The following BMP6 variants were observed in gnomAD, a reference collection of about 807,000 sequenced individuals.
The protein encoded by BMP6 is VG-1-R.
In BMP6, 17 loss-of-function variants were observed where a neutral mutation model predicts 54.1. That is an observed-to-expected ratio of 0.31 (90% confidence interval 0.22 to 0.47). BMP6 has a LOEUF of 0.47. BMP6 is among the 20% of genes least tolerant of loss of function. BMP6 has a pLI of 1.00. For synonymous variants in BMP6, 328 were observed against 291.2 expected (o/e 1.13, Z -1.28); for missense variants, 720 against 690.4 (o/e 1.04, Z -0.48).
At chr6:7,809,040 G>A (rs1758395897) in intron 1 of BMP6, among the ~76,000 whole-genome samples, 1 of 151,508 alleles carries the variant, frequency 6.6e-6, no homozygotes, top group African/African-American at 2.4e-5. Flanking sequence ...AAAATTTAGG[G>A]CTAATTTTTA....
chr6:7,794,868 G>A (rs1009673175), intron 1 of BMP6, among the ~76,000 whole-genome samples: 5 of 152,030 alleles, frequency 3.3e-5, no homozygotes, highest in African/African-American at 1.2e-4. Context: ...ATGGAGGAAG[G>A]ATCACTTTCT....
intron 1 of BMP6, among the ~76,000 whole-genome samples, chr6:7,843,113 T>G (rs1295563580): frequency 6.6e-6 from 1 of 152,222 alleles, no homozygotes; most frequent in Non-Finnish European, 1.5e-5. Context: ...TTGAGTGAAC[T>G]TCCCAACAAT....
At chr6:7,810,037 T>G (rs1301086287) in intron 1 of BMP6, among the ~76,000 whole-genome samples, 1 of 152,214 alleles carries the variant, frequency 6.6e-6, no homozygotes, top group Non-Finnish European at 1.5e-5. Flanking sequence ...AACCATTTTT[T>G]TAAAACAAAG....
chr6:7,796,302 G>C (rs1368689849), intron 1 of BMP6, among the ~76,000 whole-genome samples: 1 of 152,214 alleles, frequency 6.6e-6, no homozygotes, highest in African/African-American at 2.4e-5. Flanking sequence ...ACACATTGGT[G>C]GCCCAAGGGA....
At chr6:7,733,725 C>T (rs764323645) in intron 1 of BMP6, among the ~76,000 whole-genome samples, 12 of 152,138 alleles carry the variant, frequency 7.9e-5, no homozygotes, top group Admixed American at 2.0e-4. Flanking sequence ...CTGATCATAC[C>T]CTTACCTTCT....
chr6:7,764,541 C>T (rs1254277355), intron 1 of BMP6, among the ~76,000 whole-genome samples: 1 of 151,774 alleles, frequency 6.6e-6, no homozygotes, highest in Non-Finnish European at 1.5e-5. Context: ...ATGGACCTGC[C>T]ATTTGCACAT....
At chr6:7,729,641 T>TA (rs1453466600) in intron 1 of BMP6, among the ~76,000 whole-genome samples, 1 of 152,172 alleles carries the variant, frequency 6.6e-6, no homozygotes, top group Non-Finnish European at 1.5e-5. Context: ...TAGGTTTTTC[T>TA]AATATGCTAC....
At chr6:7,865,810 G>A (rs1759412631) in intron 4 of BMP6, among the ~76,000 whole-genome samples, 1 of 152,192 alleles carries the variant, frequency 6.6e-6, no homozygotes, top group Admixed American at 6.5e-5. Context: ...TGCTCCCAGG[G>A]AGTTGATAGT....
At position 7,849,172 on chromosome 6, in the gene BMP6, C is replaced by T. The variant is rs546441185; in HGVS notation, c.857+3840C>T. Reference sequence around the variant, plus strand: ...TCCATGTCCTTAGGTTTGAAGCAGACACCCCAAGAATGCTTCTGTTTGAAT... The same window carrying T: ...TCCATGTCCTTAGGTTTGAAGCAGATACCCCAAGAATGCTTCTGTTTGAAT... On this transcript the variant is annotated intron_variant, in intron 2 of 6. Transcript: ENST00000283147. Among the ~76,000 whole-genome samples, 168 of 152,290 alleles carry T rather than the reference C, an allele frequency of 1.1e-3. 1 individual carries two copies. The highest frequency in any genetic ancestry group is 3.7e-3 in the African/African-American group (152 of 41,544).
At chr6:7,836,137 C>T (rs1471835322) in intron 1 of BMP6, among the ~76,000 whole-genome samples, 1 of 152,072 alleles carries the variant, frequency 6.6e-6, no homozygotes, top group African/African-American at 2.4e-5. Context: ...TGCGCCCGGC[C>T]TATCTCCCCA....
intron 1 of BMP6, among the ~76,000 whole-genome samples, chr6:7,775,772 G>A (rs1462727901): frequency 6.6e-6 from 1 of 152,178 alleles, no homozygotes; most frequent in Non-Finnish European, 1.5e-5. Flanking sequence ...GATTGTTGGA[G>A]ATAAATTTGC....
intron 1 of BMP6, among the ~76,000 whole-genome samples, chr6:7,825,208 A>G (rs1158635235): frequency 2.2e-5 from 3 of 137,320 alleles, no homozygotes; most frequent in Non-Finnish European, 4.6e-5. Flanking sequence ...TAGTTCCAGG[A>G]GTTCAAGCTT....
At chr6:7,823,454 ACTT>A (rs1758646471) in intron 1 of BMP6, among the ~76,000 whole-genome samples, 4 of 152,214 alleles carry the variant, frequency 2.6e-5, no homozygotes, top group Admixed American at 1.3e-4. Context: ...CACCACACGA[ACTT>A]CTTGCACTCA....
intron 1 of BMP6, among the ~76,000 whole-genome samples, chr6:7,759,758 C>G (rs1454843409): frequency 8.8e-6 from 1 of 113,892 alleles, no homozygotes; most frequent in Non-Finnish European, 1.6e-5. Flanking sequence ...GGCTGGAGTG[C>G]GGTGGCACAA....
chr6:7,825,323 T>G (rs1758678222), intron 1 of BMP6, among the ~76,000 whole-genome samples: 1 of 152,086 alleles, frequency 6.6e-6, no homozygotes, highest in African/African-American at 2.4e-5. Context: ...TGAATGAAAA[T>G]GTGTAGACTT....
At chr6:7,761,670 G>A (rs1001413333) in intron 1 of BMP6, among the ~76,000 whole-genome samples, 1 of 152,148 alleles carries the variant, frequency 6.6e-6, no homozygotes, top group African/African-American at 2.4e-5. Context: ...TTCTTTACCT[G>A]CTCTTGGCCA....
Position 7,726,621 on chromosome 6 carries a change from C to T in BMP6, c.-335C>T, listed in dbSNP as rs111514655. 0.018 allele frequency among the ~76,000 whole-genome samples: 2,797 copies of T among 152,274 alleles called. 91 individuals are homozygous for T. The highest frequency in any genetic ancestry group is 0.064 in the African/African-American group (2,653 of 41,576). On this transcript the variant is annotated 5_prime_UTR_variant, in exon 1 of 7. Coordinates refer to ENST00000283147, the MANE Select transcript of BMP6 (RefSeq NM_001718.6). ...CCCAGAGTGACCGCGCCGCGACTCGCAGGAGCCAGGGCGCAGGCTGCAGTG... is the reference window on the plus strand; with the variant it reads ...CCCAGAGTGACCGCGCCGCGACTCGTAGGAGCCAGGGCGCAGGCTGCAGTG...
chr6:7,790,514 CAAAAAAAAAA>C (rs35572440), intron 1 of BMP6, among the ~76,000 whole-genome samples: 1,761 of 73,376 alleles, frequency 0.024, 53 homozygotes, highest in African/African-American at 0.12. Context: ...GACCCTGTCT[CAAAAAAAAAA>C]AAAAAAAAAA....
At chr6:7,767,204 G>A (rs1242123280) in intron 1 of BMP6, among the ~76,000 whole-genome samples, 1 of 152,004 alleles carries the variant, frequency 6.6e-6, no homozygotes. Context: ...TCGATCTCCT[G>A]ACCTCGTGAT....
Sources: gnomAD v4.1 joint callset for allele counts (sites outside exome capture counted in the v4.1 genomes callset) on GRCh38, gnomAD v4.1.1 for gene constraint, MANE v1.5 for transcripts, NCBI Gene and HGNC (gene_info 2026-07-23, HGNC 2026-07-21) for gene names.